Variants in C1orf116 observed in about 807,000 individuals in gnomAD.
C1orf116 encodes the protein specifically androgen-regulated gene protein.
C1orf116 carries 12 observed loss-of-function variants against 14.1 expected under a neutral mutation model. The observed-to-expected ratio is 0.85, with a 90% CI of 0.54 to 1.38. The LOEUF (loss-of-function observed/expected upper bound fraction) is 1.38, where lower values mean the gene tolerates loss of function less well. Ranked by LOEUF, C1orf116 falls within the 40% of genes most tolerant of loss-of-function variation. The pLI is 0.00. For missense variants in C1orf116, 797 were observed against 747.0 expected (o/e 1.07, Z -0.78); for synonymous variants, 296 against 299.0 (o/e 0.99, Z 0.10).
At chr1:207,027,827 C>A in intron 1 of C1orf116, 148 bp from the exon 2 acceptor site, 1 of 877,932 alleles carries the variant, frequency 1.1e-6, no homozygotes, top group Non-Finnish European at 1.7e-6. Context: ...CCCCGGCCTG[C>A]ATGGAAGGAC....
rs775174255 is a variant in C1orf116 at position 207,022,979 on chromosome 1, G to T, written c.785C>A (p.Pro262His). ...AGGCAACCCTGCAGGAGGAGGCTGGGGTTGTGTGTACCTGGTTGAGACTGT... is the reference window on the plus strand; with the variant it reads ...AGGCAACCCTGCAGGAGGAGGCTGGTGTTGTGTGTACCTGGTTGAGACTGT... Reference protein sequence around the residue: ...KETVSTRYTQPQPPPAGLPQN... With the variant: ...KETVSTRYTQHQPPPAGLPQN... Residue 262 changes from proline (P) to histidine (H), a missense_variant, in exon 4 of 4, where the codon CCC becomes CAC. Physicochemically the swap from Pro to His is moderately conservative, Grantham distance 77. Coordinates refer to ENST00000359470, the MANE Select transcript of C1orf116 (RefSeq NM_023938.6). The T allele has an allele frequency of 2.5e-6, 4 of 1,614,014 alleles. No homozygotes were observed. Among genetic ancestry groups the T allele is most frequent in the Non-Finnish European group, 3.4e-6 (4 of 1,180,036 alleles).
chr1:207,021,933 A>G lies in C1orf116; in HGVS notation c.*25T>C. ...ATGTGTCTCTTCTTGTTCAGCCAGGACAGGGTCTGTACTGGTCGCAGAGTC... is the reference window on the plus strand; with the variant it reads ...ATGTGTCTCTTCTTGTTCAGCCAGGGCAGGGTCTGTACTGGTCGCAGAGTC... On this transcript the variant is annotated 3_prime_UTR_variant, in exon 4 of 4. Coordinates refer to ENST00000359470, the MANE Select transcript of C1orf116 (RefSeq NM_023938.6). The G allele has an allele frequency of 6.7e-7, 1 of 1,488,266 alleles. No individual in the cohort carries two copies. The highest frequency in any genetic ancestry group is 8.9e-7 in the Non-Finnish European group (1 of 1,117,618). The allele number at this position is 1,488,266 out of a possible 1,614,324, so 92.2% of individuals were successfully genotyped here.
At chr1:207,024,206 C>T (rs566178975) in intron 3 of C1orf116, among the ~76,000 whole-genome samples, 29 of 152,348 alleles carry the variant, frequency 1.9e-4, no homozygotes, top group African/African-American at 5.5e-4. Context: ...GAAAGCCCTA[C>T]GTCCCCATTT....
At chr1:207,028,636 A>G (rs967203276) in intron 1 of C1orf116, among the ~76,000 whole-genome samples, 1 of 152,160 alleles carries the variant, frequency 6.6e-6, no homozygotes, top group African/African-American at 2.4e-5. Context: ...TCCCAACTCT[A>G]ATTCCTTAGG....
intron 1 of C1orf116, among the ~76,000 whole-genome samples, chr1:207,029,851 C>T (rs1682193538): frequency 2.0e-5 from 3 of 152,146 alleles, no homozygotes. Flanking sequence ...CAATTTTCTT[C>T]TCTGTAAAAT....
intron 1 of C1orf116, among the ~76,000 whole-genome samples, chr1:207,028,878 A>G (rs1178723127): frequency 2.6e-5 from 4 of 152,248 alleles, no homozygotes; most frequent in African/African-American, 9.6e-5. Context: ...ATTAGAATAA[A>G]GTTTGTCTGA....
Position 207,020,723 on chromosome 1 carries a change from G to T in C1orf116, c.*1235C>A, listed in dbSNP as rs777441874. 1 of 152,194 alleles carries T rather than the reference G, an allele frequency of 6.6e-6. No individual in the cohort carries two copies. The highest frequency in any genetic ancestry group is 1.5e-5 in the Non-Finnish European group (1 of 68,036). The allele number at this position is 152,194 out of a possible 1,614,324, so 9.4% of individuals were successfully genotyped here. Reference sequence around the variant, plus strand: ...GTTTGAACAATATTTAATCTCTGATGCTTCAGAAGGCACTTTGAGATCTTG... The same window carrying T: ...GTTTGAACAATATTTAATCTCTGATTCTTCAGAAGGCACTTTGAGATCTTG... On this transcript the variant is annotated 3_prime_UTR_variant, in exon 4 of 4. Coordinates refer to ENST00000359470, the MANE Select transcript of C1orf116 (RefSeq NM_023938.6).
Position 207,022,796 on chromosome 1 carries a change from G to T in C1orf116, c.968C>A (p.Ser323Tyr). 1 of 1,614,126 alleles carries T rather than the reference G, an allele frequency of 6.2e-7. No homozygotes were observed. The highest frequency in any genetic ancestry group is 8.5e-7 in the Non-Finnish European group (1 of 1,180,016). ...TCCAGGGGCAGCCTCAGTGTGGCGG[G>T]ACAGCCAGTGCTGGGGGTCACTGTG... ...SFHSDPQHWL[S>Y]RHTEAAPGDS... Residue 323 changes from serine (S) to tyrosine (Y), a missense_variant, in exon 4 of 4, where the codon TCC becomes TAC. By Grantham distance (144) the Ser-to-Tyr change is moderately radical. Transcript: ENST00000359470.
Position 207,021,880 on chromosome 1 carries a change from C to T in C1orf116, c.*78G>A, listed in dbSNP as rs192055686. On this transcript the variant is annotated 3_prime_UTR_variant, in exon 4 of 4. Transcript: ENST00000359470. ...CCCATTCATCTTGAGCCCTGAGTTG[C>T]GTGGTGGCAAAGGCTCCCAAGTGGA... is the stretch of plus-strand genomic sequence containing the variant. The T allele has an allele frequency of 2.2e-4, 302 of 1,402,456 alleles. No individual in the cohort carries two copies. In the African/African-American group the frequency reaches 3.7e-3, roughly 17 times the overall value. 86.9% of individuals were successfully genotyped at this position (1,402,456 alleles called of 1,614,324 possible). A position where few individuals can be genotyped will look rare whatever the true frequency, so the allele number is the denominator to read the frequency against.
chr1:207,027,574 C>A lies in C1orf116; in HGVS notation c.25G>T (p.Ala9Ser), dbSNP rs372830565. Reference protein sequence around the residue: MPERELWPAGTGSEPVTRV... With the variant: MPERELWPSGTGSEPVTRV... ...GTCACGGGTTCTGAGCCAGTCCCCGCTGGCCACAGCTCCCTCTCGGGCATC... is the reference window on the plus strand; with the variant it reads ...GTCACGGGTTCTGAGCCAGTCCCCGATGGCCACAGCTCCCTCTCGGGCATC... The change falls in exon 2 of 4, where the codon GCG becomes TCG. Residue 9 changes from alanine (A) to serine (S), a missense_variant. Coordinates refer to ENST00000359470, the MANE Select transcript of C1orf116 (RefSeq NM_023938.6). The A allele has an allele frequency of 1.9e-6, 3 of 1,613,292 alleles. No individual in the cohort carries two copies. Among genetic ancestry groups the A allele is most frequent in the African/African-American group, 2.7e-5 (2 of 75,066 alleles).
Position 207,021,941 on chromosome 1 carries a change from T to C in C1orf116, c.*17A>G. The C allele has an allele frequency of 6.6e-7, 1 of 1,515,984 alleles. No individual in the cohort carries two copies. Among genetic ancestry groups the C allele is most frequent in the South Asian group, 1.3e-5 (1 of 74,660 alleles). The allele number at this position is 1,515,984 out of a possible 1,614,324, so 93.9% of individuals were successfully genotyped here. A position where few individuals can be genotyped will look rare whatever the true frequency, so the allele number is the denominator to read the frequency against. ...CTTCTTGTTCAGCCAGGACAGGGTC[T>C]GTACTGGTCGCAGAGTCTACTCCTT... On this transcript the variant is annotated 3_prime_UTR_variant, in exon 4 of 4. Coordinates refer to ENST00000359470, the MANE Select transcript of C1orf116 (RefSeq NM_023938.6).
At chr1:207,023,507 G>A in intron 3 of C1orf116, 27 bp from the exon 4 acceptor site, 1 of 1,564,670 alleles carries the variant, frequency 6.4e-7, no homozygotes, top group Non-Finnish European at 8.6e-7. Flanking sequence ...GAACATAAAA[G>A]AGTGGACAGA....
Position 207,023,306 on chromosome 1 carries a change from G to T in C1orf116, c.458C>A (p.Ala153Asp). The stretch of plus-strand genomic sequence containing the variant: ...CGGTTCTCCAGGGTTGTGACTGCTA[G>T]CCTGGGTGGTGCTTTTCCTGAAGTT... ...SQNFRKSTTQ[A>D]SSHNPGEPGR... Residue 153 changes from alanine to aspartate, a missense_variant, in exon 4 of 4, where the codon GCT becomes GAT. Transcript: ENST00000359470. 6.2e-7 allele frequency: 1 copy of T among 1,614,216 alleles called. No individual in the cohort carries two copies. Among genetic ancestry groups the T allele is most frequent in the Non-Finnish European group, 8.5e-7 (1 of 1,180,014 alleles).
At chr1:207,028,787 G>C (rs1336760162) in intron 1 of C1orf116, among the ~76,000 whole-genome samples, 1 of 152,208 alleles carries the variant, frequency 6.6e-6, no homozygotes, top group Non-Finnish European at 1.5e-5. Flanking sequence ...AAGTGAGTCT[G>C]CTATGTTAAA....
At position 207,022,818 on chromosome 1, in the gene C1orf116, T is replaced by G; in HGVS notation, c.946A>C (p.Ser316Arg). 1.2e-6 allele frequency: 2 copies of G among 1,614,046 alleles called. No individual in the cohort carries two copies. Among genetic ancestry groups the G allele is most frequent in the Non-Finnish European group, 1.7e-6 (2 of 1,180,012 alleles). Residue 316 changes from serine to arginine, a missense_variant, in exon 4 of 4, where the codon AGT becomes CGT. Physicochemically the swap from Ser to Arg is moderately radical, Grantham distance 110. Coordinates refer to ENST00000359470, the MANE Select transcript of C1orf116 (RefSeq NM_023938.6). ...VLKSSRSSFHSDPQHWLSRHT... is the reference protein window; with the variant it reads ...VLKSSRSSFHRDPQHWLSRHT... The stretch of plus-strand genomic sequence containing the variant: ...CGGGACAGCCAGTGCTGGGGGTCAC[T>G]GTGGAAACTGCTTCGGCTGCTCTTC...
Position 207,027,687 on chromosome 1 carries a change from GAGA to G in C1orf116, c.-81-11_-81-9del. On this transcript the variant is annotated splice_polypyrimidine_tract_variant and intron_variant, in intron 1 of 3. Transcript: ENST00000359470. ...CAATGTCCCAAGCCGGGCCTGAAAA[GAGA>G]AGAATCAAAGCCACACATGAGCCGA... is the stretch of plus-strand genomic sequence containing the variant. 6.4e-7 allele frequency: 1 copy of G among 1,554,350 alleles called. No homozygotes were observed.
At position 207,030,329 on chromosome 1, in the gene C1orf116, G is replaced by A. The variant is rs190814248; in HGVS notation, c.-82+2250C>T. Among the ~76,000 whole-genome samples, 49 of 152,202 alleles carry A rather than the reference G, an allele frequency of 3.2e-4. 2 individuals are homozygous for A. In the East Asian group the frequency reaches 8.9e-3, roughly 28 times the overall value. ...AGGGCATTTCAGGGACTATCTGGAT[G>A]CAAGAGGGGCATGCCCCCGAGAATG... is the stretch of plus-strand genomic sequence containing the variant. On this transcript the variant is annotated intron_variant, in intron 1 of 3. Coordinates refer to ENST00000359470, the MANE Select transcript of C1orf116 (RefSeq NM_023938.6).
intron 1 of C1orf116, among the ~76,000 whole-genome samples, chr1:207,029,780 A>G (rs1237304759): frequency 6.6e-6 from 1 of 152,240 alleles, no homozygotes; most frequent in African/African-American, 2.4e-5. Flanking sequence ...ACAAAACTGT[A>G]TAAGACAAAG....
At chr1:207,031,330 C>A (rs1467760882) in intron 1 of C1orf116, among the ~76,000 whole-genome samples, 1 of 152,190 alleles carries the variant, frequency 6.6e-6, no homozygotes, top group East Asian at 1.9e-4. Context: ...TAGAAATACC[C>A]TCTGCATAGC....
Sources: gnomAD v4.1 joint callset for allele counts (sites outside exome capture counted in the v4.1 genomes callset) on GRCh38, gnomAD v4.1.1 for gene constraint, MANE v1.5 for transcripts, NCBI Gene and HGNC (gene_info 2026-07-23, HGNC 2026-07-21) for gene names.